The following CDH4 variants were observed in gnomAD, a reference collection of about 807,000 sequenced individuals.
The protein encoded by CDH4 is cadherin 4.
In CDH4, 33 loss-of-function variants were observed where a neutral mutation model predicts 86.0. The observed-to-expected ratio is 0.38, with a 90% CI of 0.29 to 0.51. The LOEUF (loss-of-function observed/expected upper bound fraction) is 0.51. CDH4 is among the 20% of genes least tolerant of loss of function. CDH4 has a pLI of 0.86. For missense variants in CDH4, 1,114 were observed against 1,307.4 expected (o/e 0.85, Z 2.28); for synonymous variants, 555 against 549.4 (o/e 1.01, Z -0.14).
chr20:61,687,320 G>C (rs1429299198), intron 2 of CDH4, among the ~76,000 whole-genome samples: 1 of 152,166 alleles, frequency 6.6e-6, no homozygotes. Flanking sequence ...TTGTTCAGGG[G>C]AGTTTCTTAC....
intron 2 of CDH4, among the ~76,000 whole-genome samples, chr20:61,730,768 G>A (rs920536157): frequency 6.6e-6 from 1 of 152,222 alleles, no homozygotes; most frequent in African/African-American, 2.4e-5. Context: ...GACTGCAGGA[G>A]GGACAGGAGC....
intron 2 of CDH4, chr20:61,717,378 T>G (rs956584107): frequency 2.6e-5 from 4 of 152,436 alleles, no homozygotes; most frequent in African/African-American, 7.2e-5. Context: ...CGGGGACTCT[T>G]TGCAGTGGCG....
At chr20:61,739,248 G>A (rs867988415) in intron 2 of CDH4, among the ~76,000 whole-genome samples, 73 of 152,322 alleles carry the variant, frequency 4.8e-4, no homozygotes, top group African/African-American at 1.4e-3. Flanking sequence ...GGGGGGTCCC[G>A]TGAAGATTCT....
At chr20:61,779,543 C>T (rs1978426877) in intron 4 of CDH4, among the ~76,000 whole-genome samples, 1 of 152,264 alleles carries the variant, frequency 6.6e-6, no homozygotes. Flanking sequence ...CACCGAACAA[C>T]TCAAATGAGC....
intron 2 of CDH4, among the ~76,000 whole-genome samples, chr20:61,261,639 C>G (rs2084128099): frequency 6.6e-6 from 1 of 152,188 alleles, no homozygotes; most frequent in Non-Finnish European, 1.5e-5. Flanking sequence ...GTCCTAGGCA[C>G]TTAGCTCATT....
intron 11 of CDH4, among the ~76,000 whole-genome samples, chr20:61,925,421 G>A (rs1048634994): frequency 6.6e-6 from 1 of 152,240 alleles, no homozygotes; most frequent in African/African-American, 2.4e-5. Flanking sequence ...CCTCTGCCAA[G>A]TCGGGGGAGT....
intron 2 of CDH4, among the ~76,000 whole-genome samples, chr20:61,630,577 G>A (rs1004750896): frequency 1.3e-5 from 2 of 152,198 alleles, no homozygotes; most frequent in Admixed American, 6.5e-5. Flanking sequence ...GCTCTTGCAT[G>A]GGGCTTCAGC....
At position 61,660,124 on chromosome 20, in the gene CDH4, G is replaced by A. The variant is rs576657842; in HGVS notation, c.170-83439G>A. On this transcript the variant is annotated intron_variant, in intron 2 of 15. Coordinates refer to ENST00000614565, the MANE Select transcript of CDH4 (RefSeq NM_001794.5). ...GATGGAAACACCCACAGGTGGCTGC[G>A]GCCGGCTGAGCCTTGGGTGACGTGG... is the stretch of plus-strand genomic sequence containing the variant. Among the ~76,000 whole-genome samples the A allele has an allele frequency of 2.0e-4, 30 of 152,272 alleles. No homozygotes were observed. The South Asian group carries it at 2.5e-3, about 13-fold the overall frequency.
chr20:61,529,508 T>G (rs2085936351), intron 2 of CDH4, among the ~76,000 whole-genome samples: 1 of 152,262 alleles, frequency 6.6e-6, no homozygotes, highest in African/African-American at 2.4e-5. Flanking sequence ...TATAATTTCA[T>G]ACAAATGTGT....
At chr20:61,737,157 C>A (rs1488818556) in intron 2 of CDH4, among the ~76,000 whole-genome samples, 1 of 152,134 alleles carries the variant, frequency 6.6e-6, no homozygotes, top group African/African-American at 2.4e-5. Context: ...CCCTGCCTGG[C>A]ATTTGGTCAT....
chr20:61,274,930 A>G lies in CDH4; in HGVS notation c.169+19993A>G, dbSNP rs186239287. 2.5e-3 allele frequency among the ~76,000 whole-genome samples: 356 copies of G among 141,840 alleles called. 1 individual carries two copies. Among genetic ancestry groups the G allele is most frequent in the African/African-American group, 9.1e-3 (340 of 37,278 alleles). The allele number at this position is 141,840 out of a possible 152,430, so 93.1% of individuals were successfully genotyped here. ...TGCAGTTTGGGGGAGTACTGTGCAC[A>G]GTTTGGAGGAGTACCATGTGCAGTT... On this transcript the variant is annotated intron_variant, in intron 2 of 15. Coordinates refer to ENST00000614565, the MANE Select transcript of CDH4 (RefSeq NM_001794.5).
At chr20:61,730,804 T>A (rs746110618) in intron 2 of CDH4, among the ~76,000 whole-genome samples, 6 of 152,178 alleles carry the variant, frequency 3.9e-5, no homozygotes, top group Admixed American at 1.3e-4. Context: ...AAACGCCAGA[T>A]CTACTTGCTC....
intron 2 of CDH4, among the ~76,000 whole-genome samples, chr20:61,638,975 G>A (rs919650927): frequency 1.3e-5 from 2 of 152,202 alleles, no homozygotes; most frequent in Non-Finnish European, 2.9e-5. Flanking sequence ...CGGAATGAAT[G>A]ACGCCATGTG....
In CDH4 at chr20:61,754,386, A is replaced by G. The variant is rs1350312841; in HGVS notation, c.396+10597A>G. Among the ~76,000 whole-genome samples, 1 of 151,496 alleles carries G rather than the reference A, an allele frequency of 6.6e-6. No individual in the cohort carries two copies. The highest frequency in any genetic ancestry group is 2.4e-5 in the African/African-American group (1 of 41,198). ...ACCCCTGAATCCTCTTGATGCAGCC[A>G]CTCTTCCCTCCAGGGCTGTTGAGGA... On this transcript the variant is annotated intron_variant, in intron 3 of 15. Coordinates refer to ENST00000614565, the MANE Select transcript of CDH4 (RefSeq NM_001794.5). This position sits in a 1 kb window ranked among gnomAD's most constrained non-coding sequence, Gnocchi z 4.7.
At chr20:61,737,021 A>C (rs547785757) in intron 2 of CDH4, among the ~76,000 whole-genome samples, 22 of 152,258 alleles carry the variant, frequency 1.4e-4, no homozygotes, top group African/African-American at 5.1e-4. Context: ...CCCTGGGACG[A>C]GTCCCAGGCT....
chr20:61,431,346 CT>C (rs141245910), intron 2 of CDH4, among the ~76,000 whole-genome samples: 8,927 of 145,270 alleles, frequency 0.061, 928 homozygotes, highest in African/African-American at 0.22. Flanking sequence ...AAATTACTCT[CT>C]TTTTTTTGTT....
intron 2 of CDH4, among the ~76,000 whole-genome samples, chr20:61,409,406 C>G (rs1822995677): frequency 6.6e-6 from 1 of 152,202 alleles, no homozygotes; most frequent in African/African-American, 2.4e-5. Flanking sequence ...CAAGAACAGA[C>G]CAACTCATCT....
chr20:61,596,326 G>A (rs988942597), intron 2 of CDH4, among the ~76,000 whole-genome samples: 1 of 152,196 alleles, frequency 6.6e-6, no homozygotes, highest in Admixed American at 6.5e-5. Flanking sequence ...TGGCTGCCCA[G>A]GGCATGGACT....
At chr20:61,427,430 G>A (rs915935953) in intron 2 of CDH4, among the ~76,000 whole-genome samples, 40 of 152,242 alleles carry the variant, frequency 2.6e-4, no homozygotes, top group Non-Finnish European at 4.6e-4. Context: ...AAATCAGAAC[G>A]TCGTCTTCCC....
Sources: gnomAD v4.1 joint callset for allele counts (sites outside exome capture counted in the v4.1 genomes callset) on GRCh38, gnomAD v4.1.1 for gene constraint, Gnocchi (gnomAD v3.1) non-coding constraint, MANE v1.5 for transcripts, NCBI Gene and HGNC (gene_info 2026-07-23, HGNC 2026-07-21) for gene names.